NDC1: variants seen among roughly 807,000 people sequenced by gnomAD.
The protein encoded by NDC1 is nucleoporin NDC1.
NDC1 carries 24 observed loss-of-function variants against 89.8 expected under a neutral mutation model. The ratio of observed to expected loss-of-function variants is 0.27; its 90% confidence interval spans 0.19 to 0.38. The LOEUF (loss-of-function observed/expected upper bound fraction) is 0.38. Ranked by LOEUF, NDC1 falls within the 10% of genes least tolerant of loss-of-function variation. The probability of loss-of-function intolerance (pLI) is 1.00; values close to 1 mark genes in which losing one functional copy is unlikely to be tolerated. For missense variants in NDC1, 728 were observed against 797.6 expected, an observed-to-expected ratio of 0.91 and a Z score of 1.05; for synonymous variants, 296 against 284.8, an observed-to-expected ratio of 1.04 and a Z score of -0.39.
chr1:53,822,207 G>A (rs924734367), intron 5 of NDC1, among the ~76,000 whole-genome samples: 2 of 152,208 alleles, frequency 1.3e-5, no homozygotes, highest in Non-Finnish European at 1.5e-5. Context: ...GGTAGCGCAC[G>A]CCTATAGTCC....
rs763380008 is a variant in NDC1 at position 53,832,586 on chromosome 1, A to G, written c.184T>C (p.Phe62Leu). 1 of 1,531,346 alleles carries G rather than the reference A, an allele frequency of 6.5e-7. No individual in the cohort carries two copies. The allele number at this position is 1,531,346 out of a possible 1,614,324, so 94.9% of individuals were successfully genotyped here. ...ACATAGGAACTATACAGGTCACTGAAAGAATCTAAAACACAAGAGAGATGA... is the reference window on the plus strand; with the variant it reads ...ACATAGGAACTATACAGGTCACTGAGAGAATCTAAAACACAAGAGAGATGA... ...FHPIQWLSDS[F>L]SDLYSSYVIF... The change falls in exon 3 of 18, where the codon TTC (phenylalanine) becomes CTC (leucine). Residue 62 changes from phenylalanine (F) to leucine (L), a missense_variant. Transcript: ENST00000371429.
chr1:53,774,482 A>C (rs1164675718), intron 16 of NDC1, among the ~76,000 whole-genome samples: 1 of 152,226 alleles, frequency 6.6e-6, no homozygotes, highest in Non-Finnish European at 1.5e-5. Context: ...CAGGAAAAAT[A>C]ATCATCATCA....
chr1:53,829,830 G>T (rs1648991730), intron 3 of NDC1, among the ~76,000 whole-genome samples: 1 of 152,168 alleles, frequency 6.6e-6, no homozygotes, highest in Admixed American at 6.5e-5. Context: ...GGGCTTGCAT[G>T]GAAAAAGCTT....
At chr1:53,795,955 C>T (rs541564834) in intron 13 of NDC1, among the ~76,000 whole-genome samples, 1 of 152,296 alleles carries the variant, frequency 6.6e-6, no homozygotes, top group African/African-American at 2.4e-5. Context: ...CACCCACTTA[C>T]CACTCTCCCC....
intron 16 of NDC1, among the ~76,000 whole-genome samples, chr1:53,781,006 A>C (rs1647202042): frequency 6.6e-6 from 1 of 151,970 alleles, no homozygotes; most frequent in East Asian, 1.9e-4. Flanking sequence ...AGCTAGCATC[A>C]TCACACCTGG....
chr1:53,810,757 A>G (rs1187018762), intron 6 of NDC1, among the ~76,000 whole-genome samples: 2 of 152,170 alleles, frequency 1.3e-5, no homozygotes, highest in African/African-American at 4.8e-5. Context: ...AAGAGACACT[A>G]CTAATCATGA....
intron 1 of NDC1, 131 bp downstream of exon 1, chr1:53,838,074 G>C: frequency 6.3e-6 from 5 of 797,070 alleles, no homozygotes; most frequent in South Asian, 3.4e-5. Context: ...CCCCCAAGTG[G>C]TGCCTTCCCC....
At chr1:53,784,126 C>G (rs1020750035) in intron 16 of NDC1, among the ~76,000 whole-genome samples, 30 of 151,926 alleles carry the variant, frequency 2.0e-4, no homozygotes, top group Non-Finnish European at 1.6e-4. Flanking sequence ...TGAGTTTTAA[C>G]CAGCATTTTA....
chr1:53,832,377 T>C lies in NDC1; in HGVS notation c.280+113A>G, dbSNP rs41294768. ...ACAACATTTGAAGCATATGATTCTGTATACGTTTTTAAATTTTTGACACAA... is the reference window on the plus strand; with the variant it reads ...ACAACATTTGAAGCATATGATTCTGCATACGTTTTTAAATTTTTGACACAA... On this transcript the variant is annotated intron_variant, in intron 3 of 17. Coordinates refer to ENST00000371429, the MANE Select transcript of NDC1 (RefSeq NM_018087.5). 0.013 allele frequency: 8,155 copies of C among 613,790 alleles called. 81 individuals carry two copies. The highest frequency in any genetic ancestry group is 0.017 in the Non-Finnish European group (5,922 of 342,350). 38.0% of individuals were successfully genotyped at this position (613,790 alleles called of 1,614,324 possible). A position where few individuals can be genotyped will look rare whatever the true frequency, so the allele number is the denominator to read the frequency against.
intron 4 of NDC1, among the ~76,000 whole-genome samples, 169 bp from the exon 5 acceptor site, chr1:53,826,105 C>T (rs958285840): frequency 1.3e-5 from 2 of 152,070 alleles, no homozygotes; most frequent in Non-Finnish European, 2.9e-5. Context: ...TTAACAAAAC[C>T]TTTTTTCCTG....
chr1:53,817,537 T>C (rs1648522165), intron 6 of NDC1, among the ~76,000 whole-genome samples: 1 of 152,142 alleles, frequency 6.6e-6, no homozygotes, highest in South Asian at 2.1e-4. Context: ...GTGCAATGTA[T>C]ACTGCTTGGG....
intron 11 of NDC1, among the ~76,000 whole-genome samples, chr1:53,798,138 T>TATTA (rs1553148465): frequency 1.5e-5 from 2 of 133,022 alleles, no homozygotes; most frequent in African/African-American, 2.8e-5. Context: ...CCATCTTCTT[T>TATTA]TTATTATTAT....
At chr1:53,829,447 CA>C (rs1369096208) in intron 3 of NDC1, among the ~76,000 whole-genome samples, 2 of 152,202 alleles carry the variant, frequency 1.3e-5, no homozygotes, top group East Asian at 3.9e-4. Context: ...ACTCATCCTG[CA>C]AGGCTTGGTT....
At chr1:53,802,461 G>A (rs959619211) in intron 10 of NDC1, among the ~76,000 whole-genome samples, 8 of 152,078 alleles carry the variant, frequency 5.3e-5, no homozygotes, top group African/African-American at 1.9e-4. Context: ...GACCCCAGGA[G>A]TTCAAGGCCA....
chr1:53,815,673 CTGA>C (rs1453640472), intron 6 of NDC1, among the ~76,000 whole-genome samples: 1 of 152,166 alleles, frequency 6.6e-6, no homozygotes, highest in Non-Finnish European at 1.5e-5. Flanking sequence ...TCACTGTTTG[CTGA>C]TGATATGATC....
chr1:53,820,628 C>T (rs1482998978), intron 5 of NDC1, among the ~76,000 whole-genome samples: 1 of 150,410 alleles, frequency 6.6e-6, no homozygotes, highest in Admixed American at 6.6e-5. Context: ...CCCTAAAATA[C>T]CAATGGAAAA....
intron 8 of NDC1, among the ~76,000 whole-genome samples, chr1:53,806,958 A>G (rs576762900): frequency 1.0e-3 from 159 of 152,298 alleles, no homozygotes; most frequent in African/African-American, 3.7e-3. Flanking sequence ...CAGAAAACAA[A>G]TATCTTGGCT....
At chr1:53,773,885 A>C (rs962583174) in intron 16 of NDC1, among the ~76,000 whole-genome samples, 1 of 152,158 alleles carries the variant, frequency 6.6e-6, no homozygotes, top group African/African-American at 2.4e-5. Context: ...GAAGAGGAGC[A>C]ATTACCCCAC....
chr1:53,795,606 C>T (rs561553537), intron 13 of NDC1, among the ~76,000 whole-genome samples: 2 of 152,148 alleles, frequency 1.3e-5, no homozygotes, highest in African/African-American at 2.4e-5. Context: ...CTAGTATACA[C>T]CACAACCAAA....
Sources: gnomAD v4.1 joint callset for allele counts (sites outside exome capture counted in the v4.1 genomes callset) on GRCh38, gnomAD v4.1.1 for gene constraint, MANE v1.5 for transcripts, NCBI Gene and HGNC (gene_info 2026-07-23, HGNC 2026-07-21) for gene names.